Variants in ST18 observed in about 807,000 individuals in gnomAD.
ST18 encodes the protein suppression of tumorigenicity 18 protein.
Under a neutral mutation model 110.0 loss-of-function variants are expected in ST18, and 50 were observed. The observed-to-expected ratio is 0.45, with a 90% CI of 0.36 to 0.58. The LOEUF (loss-of-function observed/expected upper bound fraction) is 0.58. ST18 is among the 20% of genes least tolerant of loss of function. The pLI is 0.00. For missense variants in ST18, 1,306 were observed against 1,280.1 expected, an observed-to-expected ratio of 1.02 and a Z score of -0.31; for synonymous variants, 461 against 452.4, an observed-to-expected ratio of 1.02 and a Z score of -0.24.
intron 2 of ST18, among the ~76,000 whole-genome samples, chr8:52,377,388 A>G (rs1832822556): frequency 6.6e-6 from 1 of 152,200 alleles, no homozygotes; most frequent in South Asian, 2.1e-4. Context: ...ACTGTTCTAT[A>G]AGTTGACATG....
intron 2 of ST18, among the ~76,000 whole-genome samples, chr8:52,382,302 G>A (rs1327363400): frequency 6.6e-6 from 1 of 152,190 alleles, no homozygotes; most frequent in Non-Finnish European, 1.5e-5. Flanking sequence ...ATGGCAGAGG[G>A]CAGCCTCCTG....
intron 2 of ST18, among the ~76,000 whole-genome samples, chr8:52,283,072 G>C (rs2095413371): frequency 6.6e-6 from 1 of 152,200 alleles, no homozygotes; most frequent in Non-Finnish European, 1.5e-5. Context: ...GGGGGACTGA[G>C]CCCAGGGGAA....
chr8:52,303,600 A>G lies in ST18; in HGVS notation c.-464-73523T>C, dbSNP rs115290561. ...AAGTAATGGGACCAATACAACTTAC[A>G]CAACATTTGATAAGCCTCAATGAAG... On this transcript the variant is annotated intron_variant, in intron 2 of 25. Coordinates refer to ENST00000689386, the MANE Select transcript of ST18 (RefSeq NM_001352837.2). Among the ~76,000 whole-genome samples the G allele has an allele frequency of 5.6e-3, 846 of 152,306 alleles. 11 individuals carry two copies. The highest frequency in any genetic ancestry group is 0.02 in the African/African-American group (811 of 41,560).
chr8:52,207,282 T>C (rs1391212267), intron 8 of ST18, among the ~76,000 whole-genome samples: 3 of 152,174 alleles, frequency 2.0e-5, no homozygotes, highest in Admixed American at 1.3e-4. Context: ...GCTCAAGAGT[T>C]TGATGGAGAC....
At chr8:52,250,563 G>GCA (rs2094226696) in intron 2 of ST18, among the ~76,000 whole-genome samples, 1 of 149,820 alleles carries the variant, frequency 6.7e-6, no homozygotes, top group Non-Finnish European at 1.5e-5. Flanking sequence ...CCCACAGGGT[G>GCA]CAAACAGAAC....
chr8:52,189,574 A>G (rs1432559164), intron 8 of ST18, among the ~76,000 whole-genome samples: 1 of 152,234 alleles, frequency 6.6e-6, no homozygotes, highest in Non-Finnish European at 1.5e-5. Context: ...TTGAAAGAGA[A>G]GAGCCATGTC....
chr8:52,161,373 A>T lies in ST18; in HGVS notation c.1594+2T>A. ...GAAACGGCATTAGAGCTCAAAGCTT[A>T]CATTCAGGAAATGGTGGTGTTTTTC... On this transcript the variant is annotated splice_donor_variant, in intron 14 of 25. Coordinates refer to ENST00000689386, the MANE Select transcript of ST18 (RefSeq NM_001352837.2). LOFTEE classifies it high-confidence loss of function. 6.2e-7 allele frequency: 1 copy of T among 1,613,034 alleles called. No homozygotes were observed. The highest frequency in any genetic ancestry group is 8.5e-7 in the Non-Finnish European group (1 of 1,179,296).
chr8:52,192,278 G>C (rs1209555873), intron 8 of ST18, among the ~76,000 whole-genome samples: 1 of 152,138 alleles, frequency 6.6e-6, no homozygotes, highest in African/African-American at 2.4e-5. Flanking sequence ...ACTGTAGAAG[G>C]GGCAGTAACT....
At chr8:52,326,895 T>C (rs1361985932) in intron 2 of ST18, among the ~76,000 whole-genome samples, 2 of 152,172 alleles carry the variant, frequency 1.3e-5, no homozygotes, top group Non-Finnish European at 2.9e-5. Flanking sequence ...CAGCAGCCAA[T>C]TGACAGCCTG....
At chr8:52,358,417 T>C (rs1824143308) in intron 2 of ST18, among the ~76,000 whole-genome samples, 1 of 151,542 alleles carries the variant, frequency 6.6e-6, no homozygotes, top group Non-Finnish European at 1.5e-5. Context: ...AAGTAGTTTC[T>C]TTTAAAAAGG....
At chr8:52,236,034 A>G (rs1342834768) in intron 2 of ST18, among the ~76,000 whole-genome samples, 1 of 152,252 alleles carries the variant, frequency 6.6e-6, no homozygotes, top group Admixed American at 6.5e-5. Flanking sequence ...GAATATGCTA[A>G]GCAACATACT....
At chr8:52,237,571 A>G (rs2092852652) in intron 2 of ST18, among the ~76,000 whole-genome samples, 1 of 152,226 alleles carries the variant, frequency 6.6e-6, no homozygotes, top group Non-Finnish European at 1.5e-5. Flanking sequence ...CCATTTGTTC[A>G]ATTAAAACAA....
rs928285549 is a variant in ST18, at chr8:52,362,726, G to A, written c.-465+46602C>T. Among the ~76,000 whole-genome samples, 4 of 152,206 alleles carry A rather than the reference G, an allele frequency of 2.6e-5. No individual in the cohort carries two copies. In the South Asian group the frequency reaches 8.3e-4, roughly 32 times the overall value. On this transcript the variant is annotated intron_variant, in intron 2 of 25. Transcript: ENST00000689386. ...CTTGACCCATAACTATTTAAATTTA[G>A]TTATTCAAACTTAAGTATTTGGTAG...
intron 16 of ST18, among the ~76,000 whole-genome samples, chr8:52,143,580 G>A (rs766966416): frequency 1.3e-5 from 2 of 152,202 alleles, no homozygotes; most frequent in African/African-American, 2.4e-5. Flanking sequence ...AAGTGTAATT[G>A]ATATGGAACA....
At chr8:52,294,548 C>G (rs1478492101) in intron 2 of ST18, 1 of 152,274 alleles carries the variant, frequency 6.6e-6, no homozygotes, top group Non-Finnish European at 1.5e-5. Flanking sequence ...CTGGAGAAGG[C>G]TCGGAGGAAA....
In ST18 at chr8:52,138,620, A is replaced by T. The variant is rs145497694; in HGVS notation, c.2169-1137T>A. On this transcript the variant is annotated intron_variant, in intron 17 of 25. Coordinates refer to ENST00000689386, the MANE Select transcript of ST18 (RefSeq NM_001352837.2). ...TAATCATGTAAGAAGGTAGTTAGTT[A>T]TCCTTAGCAGTTTTCTTCCACAATT... Among the ~76,000 whole-genome samples, 716 of 152,104 alleles carry T rather than the reference A, an allele frequency of 4.7e-3. 3 individuals are homozygous for T. Among genetic ancestry groups the T allele is most frequent in the Non-Finnish European group, 7.5e-3 (509 of 68,026 alleles).
intron 2 of ST18, among the ~76,000 whole-genome samples, chr8:52,276,145 GCACACCAC>G (rs1564392964): frequency 0.012 from 150 of 12,340 alleles, no homozygotes; most frequent in Non-Finnish European, 0.017. Context: ...CACACCACAT[GCACACCAC>G]GCACCACACA....
intron 2 of ST18, among the ~76,000 whole-genome samples, chr8:52,346,498 T>G (rs987413364): frequency 5.3e-5 from 8 of 152,122 alleles, no homozygotes; most frequent in African/African-American, 1.7e-4. Flanking sequence ...ACAAGGCCCC[T>G]AGTGGGCAGC....
At chr8:52,124,741 C>T (rs28675191) in intron 23 of ST18, among the ~76,000 whole-genome samples, 2,369 of 152,150 alleles carry the variant, frequency 0.016, 50 homozygotes, top group African/African-American at 0.054. Context: ...CTTTATTTCT[C>T]CTCTGCATGT....
Sources: allele counts gnomAD v4.1 joint callset (sites outside exome capture counted in the v4.1 genomes callset), GRCh38; gene constraint gnomAD v4.1.1; transcripts MANE v1.5; gene names NCBI Gene and HGNC (gene_info 2026-07-23, HGNC 2026-07-21).